PKP4: variants seen among roughly 807,000 people sequenced by gnomAD.
PKP4 encodes plakophilin-4.
Under a neutral mutation model 145.1 loss-of-function variants are expected in PKP4, and 90 were observed. The ratio of observed to expected loss-of-function variants is 0.62; its 90% confidence interval spans 0.52 to 0.74. PKP4 has a LOEUF of 0.74. PKP4 is among the 30% of genes least tolerant of loss of function. The pLI is 0.00. For missense variants in PKP4, 1,340 were observed against 1,482.7 expected, an observed-to-expected ratio of 0.90 and a Z score of 1.58; for synonymous variants, 563 against 577.2, an observed-to-expected ratio of 0.98 and a Z score of 0.35.
intron 1 of PKP4, among the ~76,000 whole-genome samples, chr2:158,498,124 G>A (rs1301050950): frequency 6.6e-6 from 1 of 152,272 alleles, no homozygotes; most frequent in South Asian, 2.1e-4. Context: ...ATTTTAAATT[G>A]TGCAGCTTTT....
At chr2:158,600,680 G>A (rs1429028932) in intron 3 of PKP4, among the ~76,000 whole-genome samples, 2 of 152,146 alleles carry the variant, frequency 1.3e-5, no homozygotes, top group Admixed American at 6.5e-5. Flanking sequence ...AAAGAAAATA[G>A]GCTGTTATGA....
At chr2:158,508,366 CAAAAA>C (rs747754927) in intron 1 of PKP4, among the ~76,000 whole-genome samples, 18 of 115,884 alleles carry the variant, frequency 1.6e-4, no homozygotes, top group Non-Finnish European at 2.3e-4. Flanking sequence ...AACTCCGTCT[CAAAAA>C]AAAAAAAAAA....
intron 2 of PKP4, among the ~76,000 whole-genome samples, chr2:158,540,482 A>C (rs927279865): frequency 2.6e-5 from 4 of 152,174 alleles, no homozygotes; most frequent in Non-Finnish European, 2.9e-5. Flanking sequence ...TTTGTCAAGG[A>C]ATGGGTTGAG....
chr2:158,503,554 T>C (rs4664249), intron 1 of PKP4, among the ~76,000 whole-genome samples: 132,197 of 152,190 alleles, frequency 0.87, 57,769 homozygotes, highest in Middle Eastern at 0.93. Flanking sequence ...TTTAATTGTG[T>C]TTTCAAAACT....
At chr2:158,495,893 T>C (rs1695638940) in intron 1 of PKP4, among the ~76,000 whole-genome samples, 1 of 151,822 alleles carries the variant, frequency 6.6e-6, no homozygotes, top group South Asian at 2.1e-4. Flanking sequence ...GGGGTATATA[T>C]GTATATATTT....
chr2:158,641,153 A>C (rs2054245194), intron 10 of PKP4, among the ~76,000 whole-genome samples: 1 of 152,138 alleles, frequency 6.6e-6, no homozygotes, highest in Admixed American at 6.5e-5. Flanking sequence ...CCTGGCCAAC[A>C]TGGTGAAATC....
chr2:158,640,813 C>T, intron 10 of PKP4, 54 bp downstream of exon 10: 1 of 1,581,348 alleles, frequency 6.3e-7, no homozygotes, highest in Non-Finnish European at 8.7e-7. Flanking sequence ...TTGCATTTAA[C>T]AGCCACGTGC....
At chr2:158,507,930 T>C (rs1177477629) in intron 1 of PKP4, among the ~76,000 whole-genome samples, 1 of 152,140 alleles carries the variant, frequency 6.6e-6, no homozygotes, top group Non-Finnish European at 1.5e-5. Context: ...CCTGGATTCA[T>C]TGCCAGGAGT....
rs1325755517 is a variant in PKP4, at chr2:158,625,005, G to A, written c.731G>A (p.Gly244Glu). 1.2e-6 allele frequency: 2 copies of A among 1,614,182 alleles called. No individual in the cohort carries two copies. The highest frequency in any genetic ancestry group is 8.5e-7 in the Non-Finnish European group (1 of 1,180,028). The change falls in exon 7 of 22, where the codon GGA (glycine) becomes GAA (glutamate). Residue 244 changes from glycine to glutamate, a missense_variant. Gly to Glu is a moderately conservative substitution (Grantham distance 98). Transcript: ENST00000389759. ...TCTCTGAGAACTTCTCTGGGTAGTG[G>A]ATTTGGCTCTCCGTCAGTGACCGAC... ...RGSLRTSLGS[G>E]FGSPSVTDPR...
chr2:158,610,950 A>G (rs1473647663), intron 4 of PKP4, among the ~76,000 whole-genome samples: 12 of 152,196 alleles, frequency 7.9e-5, no homozygotes, highest in Admixed American at 7.9e-4. Flanking sequence ...CTAGAAAAAG[A>G]AAGTGTTCGA....
At position 158,663,361 on chromosome 2, in the gene PKP4, G is replaced by T. The variant is rs765797253; in HGVS notation, c.2493G>T (p.Leu831=). 4.3e-6 allele frequency: 7 copies of T among 1,614,092 alleles called. No individual in the cohort carries two copies. Among genetic ancestry groups the T allele is most frequent in the Non-Finnish European group, 5.9e-6 (7 of 1,179,986 alleles). The change falls in exon 15 of 22, where the codon CTG becomes CTT. Residue 831 remains leucine (L), a synonymous_variant. Coordinates refer to ENST00000389759, the MANE Select transcript of PKP4 (RefSeq NM_003628.6). ...LWHPSVVKPY[L]TLLAESSNPA... ...ACCCATCGGTGGTAAAACCATATCT[G>T]ACTCTTCTAGCAGAAAGTTCCAACC...
At chr2:158,477,700 T>G (rs1422021357) in intron 1 of PKP4, among the ~76,000 whole-genome samples, 2 of 152,112 alleles carry the variant, frequency 1.3e-5, no homozygotes, top group Non-Finnish European at 2.9e-5. Context: ...ATGGTTAAAT[T>G]GGGGCATGAT....
At chr2:158,675,248 C>T (rs766864535) in intron 19 of PKP4, among the ~76,000 whole-genome samples, 13 of 151,864 alleles carry the variant, frequency 8.6e-5, no homozygotes, top group Non-Finnish European at 1.3e-4. Flanking sequence ...GGGTTTTATG[C>T]GTCCCAGGAT....
intron 2 of PKP4, among the ~76,000 whole-genome samples, chr2:158,547,832 A>G (rs1279559318): frequency 6.6e-6 from 1 of 152,214 alleles, no homozygotes. Flanking sequence ...CACTCATAAA[A>G]TATTTTTGAG....
At chr2:158,501,875 A>G (rs935218169) in intron 1 of PKP4, among the ~76,000 whole-genome samples, 2 of 151,530 alleles carry the variant, frequency 1.3e-5, no homozygotes, top group African/African-American at 2.4e-5. Context: ...TGATCTTCCT[A>G]CTTTTCAGTC....
chr2:158,528,429 T>G (rs1219080168), intron 1 of PKP4, among the ~76,000 whole-genome samples: 1 of 97,562 alleles, frequency 1.0e-5, no homozygotes, highest in Non-Finnish European at 2.0e-5. Flanking sequence ...TAGGTGGGAA[T>G]TGAACAATGA....
chr2:158,578,219 T>A, intron 3 of PKP4: 1 of 239,820 alleles, frequency 4.2e-6, no homozygotes, highest in Non-Finnish European at 9.1e-6. Flanking sequence ...TAGAATTCTG[T>A]CTGTTGTTTC....
chr2:158,574,175 A>T (rs2047647631), intron 2 of PKP4, among the ~76,000 whole-genome samples: 3 of 152,220 alleles, frequency 2.0e-5, no homozygotes, highest in African/African-American at 7.2e-5. Context: ...TTTTCATAGT[A>T]TATTAGTAGC....
chr2:158,598,551 A>T (rs538932074), intron 3 of PKP4, among the ~76,000 whole-genome samples: 147 of 152,242 alleles, frequency 9.7e-4, no homozygotes, highest in Admixed American at 2.5e-3. Context: ...GCGGATCACG[A>T]GGTCACGAGA....
Sources: allele counts gnomAD v4.1 joint callset (sites outside exome capture counted in the v4.1 genomes callset), GRCh38; gene constraint gnomAD v4.1.1; transcripts MANE v1.5; gene names NCBI Gene and HGNC (gene_info 2026-07-23, HGNC 2026-07-21).